HGS: variants seen among roughly 807,000 people sequenced by gnomAD.
HGS encodes the protein hepatocyte growth factor-regulated tyrosine kinase substrate.
In HGS, 63 loss-of-function variants were observed where a neutral mutation model predicts 109.7. That is an observed-to-expected ratio of 0.57 (90% CI 0.47 to 0.71). The LOEUF is 0.71. Among genes scored for constraint, HGS ranks in the 30% least tolerant of loss-of-function variants. The probability of loss-of-function intolerance (pLI) is 0.00; values close to 1 mark genes in which losing one functional copy is unlikely to be tolerated. For synonymous variants in HGS, 546 were observed against 437.3 expected (o/e 1.25, Z -3.10); for missense variants, 995 against 1,068.3 (o/e 0.93, Z 0.96).
intron 5 of HGS, 77 bp downstream of exon 5, chr17:81,688,904 AG>A: frequency 6.3e-7 from 1 of 1,580,860 alleles, no homozygotes; most frequent in Admixed American, 1.7e-5. Flanking sequence ...CACAGTGGCG[AG>A]GGGCCTGGGA....
intron 19 of HGS, 35 bp downstream of exon 19, chr17:81,700,635 C>T (rs756869667): frequency 7.6e-6 from 10 of 1,317,020 alleles, no homozygotes; most frequent in African/African-American, 1.9e-5. Context: ...CTTCCAGGGC[C>T]AGCCCCAGCC....
At position 81,696,353 on chromosome 17, in the gene HGS, A is replaced by G. The variant is rs757871631; in HGVS notation, c.1394-4A>G. The G allele has an allele frequency of 6.4e-7, 1 of 1,571,866 alleles. No individual in the cohort carries two copies. The highest frequency in any genetic ancestry group is 8.6e-7 in the Non-Finnish European group (1 of 1,162,380). On this transcript the variant is annotated splice_region_variant and splice_polypyrimidine_tract_variant and intron_variant, in intron 15 of 21. Coordinates refer to ENST00000329138, the MANE Select transcript of HGS (RefSeq NM_004712.5). ...GTCAGGGTTGCTCTGTCATCTGCCCACAGTGTACTATGAGGGGCTGCAGGA... is the reference window on the plus strand; with the variant it reads ...GTCAGGGTTGCTCTGTCATCTGCCCGCAGTGTACTATGAGGGGCTGCAGGA...
rs1302369820 is a variant in HGS at position 81,684,265 on chromosome 17, C to CCTCGGCG, written c.37+164_37+170dup. ...GGGTTCGGAGCCGCCGATCCTGGAC[C>CCTCGGCG]CTCGGCGCGGCCGTGGGGTCGGCGT... On this transcript the variant is annotated intron_variant, in intron 1 of 21. Transcript: ENST00000329138. 8.8e-6 allele frequency: 5 copies of CCTCGGCG among 569,656 alleles called. No homozygotes were observed. In the East Asian group the frequency reaches 1.5e-4, roughly 17 times the overall value. The allele number at this position is 569,656 out of a possible 1,614,324, so 35.3% of individuals were successfully genotyped here. A position where few individuals can be genotyped will look rare whatever the true frequency, so the allele number is the denominator to read the frequency against.
In HGS at chr17:81,697,008, G is replaced by C. The variant is rs2144502178; in HGVS notation, c.1882+10G>C. 6.4e-7 allele frequency: 1 copy of C among 1,556,618 alleles called. No individual in the cohort carries two copies. Among genetic ancestry groups the C allele is most frequent in the East Asian group, 2.3e-5 (1 of 44,138 alleles). On this transcript the variant is annotated intron_variant, in intron 18 of 21. Coordinates refer to ENST00000329138, the MANE Select transcript of HGS (RefSeq NM_004712.5). ...CCCAGCACTGCGGCTGGTAAGGACGGGTCGGGGCAGAGACCATGCCTTTTA... is the reference window on the plus strand; with the variant it reads ...CCCAGCACTGCGGCTGGTAAGGACGCGTCGGGGCAGAGACCATGCCTTTTA...
intron 14 of HGS, 119 bp from the exon 15 acceptor site, chr17:81,695,667 A>G (rs2037134251): frequency 3.5e-6 from 3 of 862,866 alleles, no homozygotes; most frequent in Non-Finnish European, 5.7e-6. Flanking sequence ...CTGCTTGCAT[A>G]AGGAGCAGAT....
intron 18 of HGS, among the ~76,000 whole-genome samples, chr17:81,699,886 C>A (rs2037207408): frequency 6.9e-6 from 1 of 145,316 alleles, no homozygotes; most frequent in Non-Finnish European, 1.5e-5. Flanking sequence ...ACCAGCCTGA[C>A]CAACATGGTG....
chr17:81,701,153 A>G (rs1598752347), intron 21 of HGS, 22 bp downstream of exon 21: 1 of 1,602,540 alleles, frequency 6.2e-7, no homozygotes, highest in Non-Finnish European at 8.5e-7. Flanking sequence ...CCGGGGCCTC[A>G]CAGCGGCACC....
At chr17:81,700,622 C>T (rs2037221474) in intron 19 of HGS, 22 bp downstream of exon 19, 1 of 1,594,756 alleles carries the variant, frequency 6.3e-7, no homozygotes, top group African/African-American at 1.3e-5. Flanking sequence ...GGCCGCTCCT[C>T]TCCTTCCAGG....
Position 81,693,855 on chromosome 17 carries a change from C to G in HGS, c.841-15C>G. 1 of 1,596,962 alleles carries G rather than the reference C, an allele frequency of 6.3e-7. No individual in the cohort carries two copies. Among genetic ancestry groups the G allele is most frequent in the Non-Finnish European group, 8.5e-7 (1 of 1,173,486 alleles). Reference sequence around the variant, plus strand: ...CACGTGCACCCAAGTGACGCCCCTTCTGATTCTGCCTCAGAGACAGAAGTC... The same window carrying G: ...CACGTGCACCCAAGTGACGCCCCTTGTGATTCTGCCTCAGAGACAGAAGTC... On this transcript the variant is annotated splice_polypyrimidine_tract_variant and intron_variant, in intron 10 of 21. Coordinates refer to ENST00000329138, the MANE Select transcript of HGS (RefSeq NM_004712.5).
At chr17:81,697,994 A>G (rs1478123401) in intron 18 of HGS, 1 of 151,400 alleles carries the variant, frequency 6.6e-6, no homozygotes, top group Non-Finnish European at 1.5e-5. Flanking sequence ...TTGCACCACC[A>G]TGCCTGGCTA....
intron 18 of HGS, among the ~76,000 whole-genome samples, chr17:81,699,582 T>TGCC (rs919744086): frequency 1.2e-4 from 19 of 152,262 alleles, no homozygotes; most frequent in African/African-American, 4.1e-4. Context: ...CCTGCCACCA[T>TGCC]GCCCAGCTAG....
intron 8 of HGS, among the ~76,000 whole-genome samples, chr17:81,693,299 C>T (rs1308795827): frequency 6.6e-6 from 1 of 152,252 alleles, no homozygotes; most frequent in Admixed American, 6.5e-5. Flanking sequence ...GGGACTCACC[C>T]GAGCCCTTGT....
intron 14 of HGS, 92 bp from the exon 15 acceptor site, chr17:81,695,694 T>G: frequency 8.7e-7 from 1 of 1,144,108 alleles, no homozygotes; most frequent in Non-Finnish European, 1.3e-6. Flanking sequence ...TGCTCCAGGC[T>G]TGAGTATAGC....
At chr17:81,697,177 C>A in intron 18 of HGS, 179 bp downstream of exon 18, 1 of 694,374 alleles carries the variant, frequency 1.4e-6, no homozygotes, top group East Asian at 2.8e-5. Flanking sequence ...CTGCTGGAGC[C>A]GTGTTTCAGT....
Position 81,696,917 on chromosome 17 carries a change from G to A in HGS, c.1801G>A (p.Gly601Ser), listed in dbSNP as rs758760266. 5.6e-6 allele frequency: 9 copies of A among 1,608,410 alleles called. No homozygotes were observed. The highest frequency in any genetic ancestry group is 6.8e-6 in the Non-Finnish European group (8 of 1,179,830). The change falls in exon 18 of 22, where the codon GGC becomes AGC. Residue 601 changes from glycine (G) to serine (S), a missense_variant. Gly to Ser is a moderately conservative substitution (Grantham distance 56). Coordinates refer to ENST00000329138, the MANE Select transcript of HGS (RefSeq NM_004712.5). ...CTTCAGCCCTGCCGGCTCGGTGGAG[G>A]GCTCCCCAATGCACGGCGTGTACAT... ...STFSPAGSVE[G>S]SPMHGVYMSQ... is the part of the protein sequence containing the mutation.
chr17:81,692,135 C>G (rs968337788), intron 8 of HGS: 8 of 155,650 alleles, frequency 5.1e-5, no homozygotes, highest in African/African-American at 1.7e-4. Flanking sequence ...AGCAGTCACT[C>G]GGGACTGCGC....
In HGS at chr17:81,691,334, C is replaced by A; in HGVS notation, c.538-113C>A. On this transcript the variant is annotated intron_variant, in intron 7 of 21. Transcript: ENST00000329138. This position sits in a 1 kb window ranked among gnomAD's most constrained non-coding sequence, Gnocchi z 5.3. ...AGGCACTTGTTCTGCTTGTCCCTTG[C>A]CTTCCCCCACCTGTGAGGCCCAGCT... 3 of 1,342,486 alleles carry A rather than the reference C, an allele frequency of 2.2e-6. No homozygotes were observed. Among genetic ancestry groups the A allele is most frequent in the Non-Finnish European group, 3.1e-6 (3 of 959,880 alleles). 83.2% of individuals were successfully genotyped at this position (1,342,486 alleles called of 1,614,324 possible). A position where few individuals can be genotyped will look rare whatever the true frequency, so the allele number is the denominator to read the frequency against.
At chr17:81,688,030 A>G (rs1004900290) in intron 4 of HGS, among the ~76,000 whole-genome samples, 4 of 152,160 alleles carry the variant, frequency 2.6e-5, no homozygotes, top group Non-Finnish European at 5.9e-5. Flanking sequence ...GGGGTGAGGC[A>G]GGGCTGTGAA....
chr17:81,690,711 G>A lies in HGS; in HGVS notation c.506G>A (p.Cys169Tyr). The A allele has an allele frequency of 6.2e-7, 1 of 1,613,276 alleles. No individual in the cohort carries two copies. The highest frequency in any genetic ancestry group is 8.5e-7 in the Non-Finnish European group (1 of 1,179,790). Residue 169 changes from cysteine to tyrosine, a missense_variant, in exon 7 of 22, where the codon TGC becomes TAC. Cys to Tyr is a radical substitution (Grantham distance 194, BLOSUM62 -2). This residue lies in a region of HGS where 182 missense variants were observed against 261.3 expected (regional missense o/e 0.70). Coordinates refer to ENST00000329138, the MANE Select transcript of HGS (RefSeq NM_004712.5). ...GTGGACGCTGAGGAATGCCACCGCTGCAGGGTGCAGTTCGGGGTGATGACC... is the reference window on the plus strand; with the variant it reads ...GTGGACGCTGAGGAATGCCACCGCTACAGGGTGCAGTTCGGGGTGATGACC... Reference protein sequence around the residue: ...DWVDAEECHRCRVQFGVMTRK... With the variant: ...DWVDAEECHRYRVQFGVMTRK...
Sources: gnomAD v4.1 joint callset for allele counts (sites outside exome capture counted in the v4.1 genomes callset) on GRCh38, gnomAD v4.1.1 for gene constraint, gnomAD v4.1.1 regional missense constraint, Gnocchi (gnomAD v3.1) non-coding constraint, MANE v1.5 for transcripts, NCBI Gene and HGNC (gene_info 2026-07-23, HGNC 2026-07-21) for gene names.